PLPP1: variants seen among roughly 807,000 people sequenced by gnomAD.
PLPP1 encodes the protein lipid phosphate phosphohydrolase 1a.
A neutral mutation model predicts 31.2 loss-of-function variants in PLPP1; 24 were observed. That is an observed-to-expected ratio of 0.77 (90% CI 0.56 to 1.08). The LOEUF (loss-of-function observed/expected upper bound fraction) is 1.08. Ranked by LOEUF, PLPP1 falls within the 50% of genes least tolerant of loss-of-function variation. PLPP1 has a pLI of 0.00. For synonymous variants in PLPP1, 146 were observed against 126.3 expected (o/e 1.16, Z -1.05); for missense variants, 319 against 342.7 (o/e 0.93, Z 0.55).
At chr5:55,462,824 T>A (rs1420787894) in intron 3 of PLPP1, among the ~76,000 whole-genome samples, 1 of 151,770 alleles carries the variant, frequency 6.6e-6, no homozygotes, top group Non-Finnish European at 1.5e-5. Flanking sequence ...ATACAAAAAA[T>A]TAGCTGGGTA....
At chr5:55,492,787 CTTTTTTCATATAACGTTGTTGAAGCTT>C (rs1752922190) in intron 1 of PLPP1, among the ~76,000 whole-genome samples, 2 of 152,252 alleles carry the variant, frequency 1.3e-5, no homozygotes, top group South Asian at 4.1e-4. Flanking sequence ...TCACTACCTG[CTTTTTTCATATAACGTTGTTGAAGCTT>C]AGAGAAATGA....
At chr5:55,505,359 C>A (rs573906071) in intron 1 of PLPP1, among the ~76,000 whole-genome samples, 1 of 151,000 alleles carries the variant, frequency 6.6e-6, no homozygotes, top group African/African-American at 2.4e-5. Flanking sequence ...TTTGGAAGGC[C>A]AAGGCAGGAG....
chr5:55,456,785 GTCTT>G (rs1203982148), intron 3 of PLPP1, among the ~76,000 whole-genome samples: 1 of 152,196 alleles, frequency 6.6e-6, no homozygotes, highest in East Asian at 1.9e-4. Flanking sequence ...AAGATACAAA[GTCTT>G]TCTAAAACTT....
intron 4 of PLPP1, among the ~76,000 whole-genome samples, chr5:55,432,219 C>G (rs1275301964): frequency 6.6e-6 from 1 of 151,752 alleles, no homozygotes. Flanking sequence ...CTGGGACTAC[C>G]GGCATAAGCT....
chr5:55,482,203 GACACACAC>G (rs112327602), intron 1 of PLPP1, among the ~76,000 whole-genome samples: 1 of 144,506 alleles, frequency 6.9e-6, no homozygotes, highest in Non-Finnish European at 1.5e-5. Flanking sequence ...TACACACACA[GACACACAC>G]ACACACACAC....
chr5:55,438,915 A>G (rs1194106314), intron 4 of PLPP1, among the ~76,000 whole-genome samples: 1 of 151,698 alleles, frequency 6.6e-6, no homozygotes, highest in South Asian at 2.1e-4. Context: ...AAAAAAAAAA[A>G]GTTGTACATA....
chr5:55,448,351 G>T (rs1304346406), intron 3 of PLPP1, among the ~76,000 whole-genome samples: 1 of 151,780 alleles, frequency 6.6e-6, no homozygotes, highest in Non-Finnish European at 1.5e-5. Context: ...TGTATTATGT[G>T]ACCCAGTAAT....
chr5:55,459,074 A>T (rs569470516), intron 3 of PLPP1, among the ~76,000 whole-genome samples: 56 of 152,028 alleles, frequency 3.7e-4, no homozygotes, highest in Non-Finnish European at 7.4e-4. Context: ...GATTCGAATA[A>T]GCTAAAAGTT....
chr5:55,509,883 A>G (rs1038475918), intron 1 of PLPP1, among the ~76,000 whole-genome samples: 2 of 152,136 alleles, frequency 1.3e-5, no homozygotes, highest in African/African-American at 4.8e-5. Flanking sequence ...CCACTCCCTC[A>G]TGGTACAGCT....
At chr5:55,496,257 G>C (rs1454313163) in intron 1 of PLPP1, among the ~76,000 whole-genome samples, 2 of 152,158 alleles carry the variant, frequency 1.3e-5, no homozygotes, top group Non-Finnish European at 2.9e-5. Flanking sequence ...ACTTTCTTAG[G>C]ACAGATACAC....
rs369916826 is a variant in PLPP1, at chr5:55,426,780, C to CCTAT, written c.550-745_550-742dup. ...GGGCACAGGTTGCCATTGCTCTGGGCCTATCTAGGGACTATTTCATTAATT... is the reference window on the plus strand; with the variant it reads ...GGGCACAGGTTGCCATTGCTCTGGGCCTATCTATCTAGGGACTATTTCATTAATT... On this transcript the variant is annotated intron_variant, in intron 4 of 5. Transcript: ENST00000307259. 6.6e-3 allele frequency among the ~76,000 whole-genome samples: 1,012 copies of CCTAT among 152,190 alleles called. 12 individuals carry two copies. The highest frequency in any genetic ancestry group is 0.023 in the African/African-American group (968 of 41,502).
chr5:55,534,695 G>T lies in PLPP1; in HGVS notation c.-66C>A. 6.8e-7 allele frequency: 1 copy of T among 1,473,328 alleles called. No homozygotes were observed. The highest frequency in any genetic ancestry group is 9.1e-7 in the Non-Finnish European group (1 of 1,100,050). The allele number at this position is 1,473,328 out of a possible 1,614,324, so 91.3% of individuals were successfully genotyped here. Reference sequence around the variant, plus strand: ...CTGCGGGACGGCGGCCGAGGCCCTTGATTCTCGAGCCCGGGCCGGGGCTGG... The same window carrying T: ...CTGCGGGACGGCGGCCGAGGCCCTTTATTCTCGAGCCCGGGCCGGGGCTGG... On this transcript the variant is annotated 5_prime_UTR_variant, in exon 1 of 6. Transcript: ENST00000307259.
At chr5:55,468,242 G>A (rs1033425324) in intron 2 of PLPP1, 93 bp from the exon 3 acceptor site, 47 of 1,154,362 alleles carry the variant, frequency 4.1e-5, no homozygotes, top group Middle Eastern at 3.0e-4. Flanking sequence ...ATGGTAAATC[G>A]CAAAAATATC....
At chr5:55,502,962 G>A (rs117223298) in intron 1 of PLPP1, among the ~76,000 whole-genome samples, 4 of 152,166 alleles carry the variant, frequency 2.6e-5, no homozygotes, top group African/African-American at 9.7e-5. Context: ...GGAAGCAAGA[G>A]AGCCAGTCAA....
At chr5:55,449,172 T>C (rs1267239652) in intron 3 of PLPP1, among the ~76,000 whole-genome samples, 2 of 152,184 alleles carry the variant, frequency 1.3e-5, no homozygotes, top group African/African-American at 4.8e-5. Context: ...TAAATGTTAC[T>C]TATTTAATCC....
chr5:55,424,985 T>C lies in PLPP1; in HGVS notation c.*221A>G. 1 of 676,384 alleles carries C rather than the reference T, an allele frequency of 1.5e-6. No individual in the cohort carries two copies. The highest frequency in any genetic ancestry group is 2.4e-6 in the Non-Finnish European group (1 of 412,130). 41.9% of individuals were successfully genotyped at this position (676,384 alleles called of 1,614,324 possible). On this transcript the variant is annotated 3_prime_UTR_variant, in exon 6 of 6. Coordinates refer to ENST00000307259, the MANE Select transcript of PLPP1 (RefSeq NM_003711.4). ...AAAATGTATACAGGTGGGGCACTGTTTTGGTGGAAGGCTTGGAGTTTTTTT... is the reference window on the plus strand; with the variant it reads ...AAAATGTATACAGGTGGGGCACTGTCTTGGTGGAAGGCTTGGAGTTTTTTT...
Position 55,467,875 on chromosome 5 carries a change from T to C in PLPP1, c.485A>G (p.Glu162Gly), listed in dbSNP as rs1250004171. 1 of 1,610,430 alleles carries C rather than the reference T, an allele frequency of 6.2e-7. No homozygotes were observed. Among genetic ancestry groups the C allele is most frequent in the Admixed American group, 1.7e-5 (1 of 59,554 alleles). Reference protein sequence around the residue: ...ICRGNAERVKEGRLSFYSGHS... With the variant: ...ICRGNAERVKGGRLSFYSGHS... ...TTAGCGATTTAACACTCACCTGCCT[T>C]CCTTAACTCTTTCTGCATTCCCTCG... is the stretch of plus-strand genomic sequence containing the variant. The change falls in exon 3 of 6, where the codon GAA becomes GGA. Residue 162 changes from glutamate (E) to glycine (G), a missense_variant. Transcript: ENST00000307259.
intron 3 of PLPP1, among the ~76,000 whole-genome samples, chr5:55,461,054 G>T (rs1425268994): frequency 6.6e-6 from 1 of 152,002 alleles, no homozygotes; most frequent in East Asian, 1.9e-4. Flanking sequence ...AAATTAGCTA[G>T]GCGTGGTGGC....
At position 55,470,203 on chromosome 5, in the gene PLPP1, C is replaced by T. The variant is rs571370955; in HGVS notation, c.211-2054G>A. Among the ~76,000 whole-genome samples the T allele has an allele frequency of 1.8e-3, 272 of 152,290 alleles. 2 individuals are homozygous for T. Among genetic ancestry groups the T allele is most frequent in the African/African-American group, 4.9e-3 (205 of 41,562 alleles). On this transcript the variant is annotated intron_variant, in intron 2 of 5. Transcript: ENST00000307259. ...GCCTCCTTAGGCCATTAAGGGGTCCCAGTAATTCCTCACAGATCAGCAGCC... is the reference window on the plus strand; with the variant it reads ...GCCTCCTTAGGCCATTAAGGGGTCCTAGTAATTCCTCACAGATCAGCAGCC...
Sources: allele counts gnomAD v4.1 joint callset (sites outside exome capture counted in the v4.1 genomes callset), GRCh38; gene constraint gnomAD v4.1.1; transcripts MANE v1.5; gene names NCBI Gene and HGNC (gene_info 2026-07-23, HGNC 2026-07-21).